Variants in SNTB1 observed in about 807,000 individuals in gnomAD.
SNTB1 encodes the protein beta-1-syntrophin.
A neutral mutation model predicts 48.9 loss-of-function variants in SNTB1; 36 were observed. That is an observed-to-expected ratio of 0.74 (90% CI 0.56 to 0.97). The LOEUF (loss-of-function observed/expected upper bound fraction) is 0.97, where lower values mean the gene tolerates loss of function less well. Ranked by LOEUF, SNTB1 falls within the 50% of genes least tolerant of loss-of-function variation. The probability of loss-of-function intolerance (pLI) is 0.00; values close to 1 mark genes in which losing one functional copy is unlikely to be tolerated. For synonymous variants in SNTB1, 299 were observed against 294.6 expected (o/e 1.01, Z -0.15); for missense variants, 786 against 703.4 (o/e 1.12, Z -1.33).
intron 1 of SNTB1, among the ~76,000 whole-genome samples, chr8:120,797,029 T>A (rs551358704): frequency 7.0e-4 from 106 of 152,200 alleles, no homozygotes; most frequent in Non-Finnish European, 1.3e-3. Flanking sequence ...TTTTCTAAGA[T>A]TCCTTCTTTA....
chr8:120,612,021 A>C (rs1262872269), intron 3 of SNTB1, among the ~76,000 whole-genome samples: 1 of 152,020 alleles, frequency 6.6e-6, no homozygotes, highest in East Asian at 1.9e-4. Context: ...AGAGTGAGTC[A>C]CTGAATTTCC....
Position 120,693,682 on chromosome 8 carries a change from C to A in SNTB1, c.788+10G>T. On this transcript the variant is annotated intron_variant, in intron 2 of 6. Transcript: ENST00000517992. The stretch of plus-strand genomic sequence containing the variant: ...TGCTTGATACAGTGGAGAGTTTTGA[C>A]CCTATTTACCTGTTCTCAGGGTCGG... 2 of 1,612,760 alleles carry A rather than the reference C, an allele frequency of 1.2e-6. No homozygotes were observed. Among genetic ancestry groups the A allele is most frequent in the South Asian group, 1.1e-5 (1 of 91,032 alleles).
chr8:120,591,370 T>G (rs1052847938), intron 3 of SNTB1, among the ~76,000 whole-genome samples: 1 of 152,196 alleles, frequency 6.6e-6, no homozygotes, highest in African/African-American at 2.4e-5. Flanking sequence ...ACTTTTTCAT[T>G]ATAGTCACCT....
intron 2 of SNTB1, among the ~76,000 whole-genome samples, chr8:120,649,416 G>A (rs1473618307): frequency 2.2e-4 from 30 of 135,520 alleles, no homozygotes; most frequent in Admixed American, 3.8e-4. Flanking sequence ...GTCTGTTGGA[G>A]TACCCTGCCG....
chr8:120,560,984 C>CA lies in SNTB1; in HGVS notation c.1137-12027dup, dbSNP rs797003738. On this transcript the variant is annotated intron_variant, in intron 4 of 6. Transcript: ENST00000517992. ...CAGAGTCCATACTCTTTCTATCACA[C>CA]AAAAAAAGGGCCAAGCTCCAGCTCA... is the stretch of plus-strand genomic sequence containing the variant. Among the ~76,000 whole-genome samples, 33 of 151,770 alleles carry CA rather than the reference C, an allele frequency of 2.2e-4. 1 individual carries two copies. The highest frequency in any genetic ancestry group is 7.7e-4 in the African/African-American group (32 of 41,398).
rs567547602 is a variant in SNTB1, at chr8:120,536,564, G to C, written c.*2313C>G. 15 of 151,880 alleles carry C rather than the reference G, an allele frequency of 9.9e-5. No homozygotes were observed. Among genetic ancestry groups the C allele is most frequent in the Non-Finnish European group, 1.8e-4 (12 of 67,942 alleles). 9.4% of individuals were successfully genotyped at this position (151,880 alleles called of 1,614,324 possible). ...CTCTATTATGATACATTTTAACTTG[G>C]GGGAAAAATGATTCATATACACAAT... On this transcript the variant is annotated 3_prime_UTR_variant, in exon 7 of 7. Transcript: ENST00000517992.
At chr8:120,609,491 G>A (rs1160160958) in intron 3 of SNTB1, among the ~76,000 whole-genome samples, 1 of 152,170 alleles carries the variant, frequency 6.6e-6, no homozygotes, top group African/African-American at 2.4e-5. Context: ...TGCTGCTGCT[G>A]GTGAAGTATG....
At chr8:120,706,265 A>T (rs1818374531) in intron 1 of SNTB1, among the ~76,000 whole-genome samples, 1 of 152,132 alleles carries the variant, frequency 6.6e-6, no homozygotes, top group Admixed American at 6.5e-5. Flanking sequence ...CATTTCTTTC[A>T]TTCATTTCTT....
intron 1 of SNTB1, among the ~76,000 whole-genome samples, chr8:120,729,141 G>A (rs185521831): frequency 6.6e-6 from 1 of 152,200 alleles, no homozygotes; most frequent in African/African-American, 2.4e-5. Flanking sequence ...ATTAGGCCCG[G>A]CTAATTTTTG....
At chr8:120,577,361 T>C (rs909070448) in intron 3 of SNTB1, among the ~76,000 whole-genome samples, 1 of 152,244 alleles carries the variant, frequency 6.6e-6, no homozygotes, top group African/African-American at 2.4e-5. Flanking sequence ...CTTTAGCTTG[T>C]TGCTTTTGTA....
At chr8:120,765,363 T>C (rs540731675) in intron 1 of SNTB1, among the ~76,000 whole-genome samples, 7 of 152,358 alleles carry the variant, frequency 4.6e-5, no homozygotes, top group African/African-American at 9.6e-5. Flanking sequence ...GAGAGATAAG[T>C]GAAGTGGAAG....
intron 1 of SNTB1, among the ~76,000 whole-genome samples, chr8:120,748,990 G>C (rs1048605148): frequency 6.6e-6 from 1 of 152,122 alleles, no homozygotes. Context: ...ACAGGCAACG[G>C]GTAGTATGAC....
intron 1 of SNTB1, among the ~76,000 whole-genome samples, chr8:120,789,382 T>G (rs534953235): frequency 2.0e-3 from 299 of 148,336 alleles, no homozygotes; most frequent in Non-Finnish European, 3.6e-3. Flanking sequence ...TAAAAAGAAA[T>G]AAAAAGGATT....
At chr8:120,608,255 A>C (rs1251118509) in intron 3 of SNTB1, among the ~76,000 whole-genome samples, 1 of 152,242 alleles carries the variant, frequency 6.6e-6, no homozygotes, top group Admixed American at 6.5e-5. Flanking sequence ...TAATGAACAC[A>C]TCATATAGGA....
chr8:120,568,720 G>A (rs1329315530), intron 4 of SNTB1, among the ~76,000 whole-genome samples: 1 of 152,208 alleles, frequency 6.6e-6, no homozygotes, highest in Non-Finnish European at 1.5e-5. Flanking sequence ...AGAATGAATA[G>A]CCAGTGCCAC....
intron 1 of SNTB1, among the ~76,000 whole-genome samples, chr8:120,740,032 G>C (rs768813479): frequency 1.3e-5 from 2 of 152,170 alleles, no homozygotes; most frequent in Non-Finnish European, 1.5e-5. Flanking sequence ...GGCCCTAAGA[G>C]AAATTCAGCA....
At chr8:120,579,572 C>T (rs954495765) in intron 3 of SNTB1, among the ~76,000 whole-genome samples, 4 of 151,952 alleles carry the variant, frequency 2.6e-5, no homozygotes, top group African/African-American at 9.7e-5. Context: ...CCCAGCTACT[C>T]GGAAGGCTGA....
Position 120,811,296 on chromosome 8 carries a change from G to A in SNTB1, c.548C>T (p.Ala183Val). ...ACCTTCCAGCAGCACTTCCTTGCCC[G>A]CGCGCTTCAACGCCTGCACCGCCTC... ...HDEAVQALKR[A>V]GKEVLLEVKY... The change falls in exon 1 of 7, where the codon GCG becomes GTG. Residue 183 changes from alanine to valine, a missense_variant. Coordinates refer to ENST00000517992, the MANE Select transcript of SNTB1 (RefSeq NM_021021.4). 1 of 1,605,176 alleles carries A rather than the reference G, an allele frequency of 6.2e-7. No individual in the cohort carries two copies. The highest frequency in any genetic ancestry group is 8.5e-7 in the Non-Finnish European group (1 of 1,178,862).
intron 1 of SNTB1, among the ~76,000 whole-genome samples, chr8:120,768,498 G>T (rs1303281063): frequency 2.0e-5 from 3 of 152,146 alleles, no homozygotes; most frequent in African/African-American, 4.8e-5. Context: ...ATTACAGTGG[G>T]AGGAGGGGCA....
Sources: gnomAD v4.1 joint callset for allele counts (sites outside exome capture counted in the v4.1 genomes callset) on GRCh38, gnomAD v4.1.1 for gene constraint, MANE v1.5 for transcripts, NCBI Gene and HGNC (gene_info 2026-07-23, HGNC 2026-07-21) for gene names.